Variants in NTF3 observed in about 807,000 individuals in gnomAD.
The protein encoded by NTF3 is neurotrophin 3.
In NTF3, 8 loss-of-function variants were observed where a neutral mutation model predicts 26.3. That is an observed-to-expected ratio of 0.30 (90% confidence interval 0.18 to 0.55). The LOEUF (loss-of-function observed/expected upper bound fraction) is 0.55. Ranked by LOEUF, NTF3 falls within the 20% of genes least tolerant of loss-of-function variation. The pLI is 0.93. For synonymous variants in NTF3, 154 were observed against 145.5 expected (o/e 1.06, Z -0.42); for missense variants, 276 against 352.9 (o/e 0.78, Z 1.75).
At chr12:5,452,188 CGGG>C (rs2121171118) in intron 1 of NTF3, among the ~76,000 whole-genome samples, 1 of 151,338 alleles carries the variant, frequency 6.6e-6, no homozygotes, top group Admixed American at 6.6e-5. Flanking sequence ...CTCCGCCTCC[CGGG>C]TTCAAGTGAT....
In NTF3 at chr12:5,494,928, G is replaced by A. The variant is rs1376664350; in HGVS notation, c.753G>A (p.Arg251=). 6.2e-7 allele frequency: 1 copy of A among 1,614,186 alleles called. No individual in the cohort carries two copies. Among genetic ancestry groups the A allele is most frequent in the African/African-American group, 1.3e-5 (1 of 75,042 alleles). Residue 251 remains arginine (R), a synonymous_variant, in exon 2 of 2, where the codon CGG becomes CGA. Transcript: ENST00000423158. This position sits in a 1 kb window ranked among gnomAD's most constrained non-coding sequence, Gnocchi z 8.3. The stretch of plus-strand genomic sequence containing the variant: ...AGAACAATAAACTCGTGGGCTGGCG[G>A]TGGATACGGATAGACACGTCCTGTG... ...TSENNKLVGW[R]WIRIDTSCVC...
chr12:5,494,096 G>C lies in NTF3; in HGVS notation c.19-98G>C, dbSNP rs1940971357. On this transcript the variant is annotated intron_variant, in intron 1 of 1. Coordinates refer to ENST00000423158, the MANE Select transcript of NTF3 (RefSeq NM_001102654.2). This position sits in a 1 kb window ranked among gnomAD's most constrained non-coding sequence, Gnocchi z 8.3. ...TACCTGGGGGGCGGTACCCTCTCTC[G>C]TGCCCTCACAGGGCTACTCAGCCTC... The C allele has an allele frequency of 1.0e-5, 12 of 1,159,082 alleles. No homozygotes were observed. Among genetic ancestry groups the C allele is most frequent in the African/African-American group, 1.5e-5 (1 of 65,396 alleles). 71.8% of individuals were successfully genotyped at this position (1,159,082 alleles called of 1,614,324 possible).
chr12:5,446,302 G>A (rs767377525), intron 1 of NTF3, among the ~76,000 whole-genome samples: 20 of 152,210 alleles, frequency 1.3e-4, no homozygotes, highest in Admixed American at 6.5e-5. Context: ...AAAGTGGTTT[G>A]TGATCTTGGA....
chr12:5,490,480 T>C (rs10161033), intron 1 of NTF3, among the ~76,000 whole-genome samples: 60,986 of 151,996 alleles, frequency 0.4, 12,357 homozygotes, highest in South Asian at 0.52. Flanking sequence ...GCGTAGACAT[T>C]CCCCTAAATA....
chr12:5,461,093 T>C (rs1410974318), intron 1 of NTF3, among the ~76,000 whole-genome samples: 2 of 152,158 alleles, frequency 1.3e-5, no homozygotes, highest in African/African-American at 4.8e-5. Context: ...AAGGGAGAAC[T>C]ATACTTATGT....
chr12:5,437,632 C>T (rs1395950093), intron 1 of NTF3, among the ~76,000 whole-genome samples: 1 of 152,222 alleles, frequency 6.6e-6, no homozygotes, highest in Non-Finnish European at 1.5e-5. Flanking sequence ...CACCACCCTG[C>T]CTCAAGCCTC....
intron 1 of NTF3, among the ~76,000 whole-genome samples, chr12:5,468,430 G>T (rs1055123596): frequency 6.6e-6 from 1 of 152,068 alleles, no homozygotes; most frequent in African/African-American, 2.4e-5. Flanking sequence ...TCAAATGAGG[G>T]CAGGTAATGG....
At chr12:5,434,143 G>C (rs1227499070) in intron 1 of NTF3, among the ~76,000 whole-genome samples, 1 of 152,118 alleles carries the variant, frequency 6.6e-6, no homozygotes, top group African/African-American at 2.4e-5. Context: ...ATTCCTTTTT[G>C]ACATGTCACA....
At chr12:5,442,667 T>G (rs1940253529) in intron 1 of NTF3, among the ~76,000 whole-genome samples, 1 of 152,208 alleles carries the variant, frequency 6.6e-6, no homozygotes. Flanking sequence ...CTGTTTTTAA[T>G]AGATCCGGAC....
At chr12:5,450,665 G>A (rs1940361400) in intron 1 of NTF3, among the ~76,000 whole-genome samples, 2 of 152,152 alleles carry the variant, frequency 1.3e-5, no homozygotes, top group Non-Finnish European at 2.9e-5. Context: ...CGTGATCTCA[G>A]GAATCCTCAC....
intron 1 of NTF3, among the ~76,000 whole-genome samples, chr12:5,474,178 T>C (rs913963660): frequency 2.0e-5 from 3 of 152,198 alleles, no homozygotes; most frequent in Non-Finnish European, 2.9e-5. Flanking sequence ...GTGACTTTAT[T>C]TCTAGGAATC....
intron 1 of NTF3, among the ~76,000 whole-genome samples, chr12:5,469,740 T>C (rs1347058752): frequency 1.3e-5 from 2 of 152,196 alleles, no homozygotes; most frequent in African/African-American, 4.8e-5. Flanking sequence ...GAAATATGTA[T>C]TTTTTAACAT....
chr12:5,445,172 C>A (rs548173964), intron 1 of NTF3, among the ~76,000 whole-genome samples: 107 of 152,172 alleles, frequency 7.0e-4, no homozygotes, highest in African/African-American at 2.1e-3. Context: ...GCATGGAAGA[C>A]CTTTTCATAG....
intron 1 of NTF3, among the ~76,000 whole-genome samples, chr12:5,492,605 C>G (rs1591610013): frequency 6.6e-6 from 1 of 152,168 alleles, no homozygotes; most frequent in African/African-American, 2.4e-5. Flanking sequence ...GGGTGAGCAG[C>G]AAAGCTAGAA....
At chr12:5,467,377 G>C (rs2121202957) in intron 1 of NTF3, among the ~76,000 whole-genome samples, 1 of 152,170 alleles carries the variant, frequency 6.6e-6, no homozygotes, top group South Asian at 2.1e-4. Flanking sequence ...TCAGTGATGG[G>C]AATGATAGTA....
chr12:5,467,205 T>G (rs34352221), intron 1 of NTF3, among the ~76,000 whole-genome samples: 4,945 of 115,996 alleles, frequency 0.043, 118 homozygotes, highest in Admixed American at 0.074. Flanking sequence ...CTCCAACCTG[T>G]GCAACAGAGC....
In NTF3 at chr12:5,494,088, CCT is replaced by C; in HGVS notation, c.19-100_19-99del. On this transcript the variant is annotated intron_variant, in intron 1 of 1. Transcript: ENST00000423158. The surrounding 1 kb of genome is among the most constrained non-coding windows in gnomAD (Gnocchi z 8.3). ...GCCTTGCTTACCTGGGGGGCGGTAC[CCT>C]CTCTCGTGCCCTCACAGGGCTACTC... 2 of 1,045,088 alleles carry C rather than the reference CCT, an allele frequency of 1.9e-6. No homozygotes were observed. Among genetic ancestry groups the C allele is most frequent in the East Asian group, 2.5e-5 (1 of 40,506 alleles). The allele number at this position is 1,045,088 out of a possible 1,614,324, so 64.7% of individuals were successfully genotyped here.
intron 1 of NTF3, among the ~76,000 whole-genome samples, chr12:5,477,938 T>C (rs985996239): frequency 2.0e-5 from 3 of 152,204 alleles, no homozygotes; most frequent in Non-Finnish European, 4.4e-5. Context: ...GACACCCAAA[T>C]ACTTGAAGAG....
At chr12:5,475,269 A>G (rs979841668) in intron 1 of NTF3, among the ~76,000 whole-genome samples, 3 of 152,110 alleles carry the variant, frequency 2.0e-5, no homozygotes, top group African/African-American at 7.2e-5. Context: ...CGGAGTGTCC[A>G]GTGATTCAGA....
Sources: allele counts gnomAD v4.1 joint callset (sites outside exome capture counted in the v4.1 genomes callset), GRCh38; gene constraint gnomAD v4.1.1; non-coding constraint Gnocchi (gnomAD v3.1); transcripts MANE v1.5; gene names NCBI Gene and HGNC (gene_info 2026-07-23, HGNC 2026-07-21).